The following PUM2 variants were observed in gnomAD, a reference collection of about 807,000 sequenced individuals.
PUM2 encodes pumilio homolog 2.
In PUM2, 57 loss-of-function variants were observed where a neutral mutation model predicts 124.5. The observed-to-expected ratio is 0.46, with a 90% CI of 0.37 to 0.57. The LOEUF is 0.57. Among genes scored for constraint, PUM2 ranks in the 20% least tolerant of loss-of-function variants. The pLI is 0.00. For missense variants in PUM2, 1,065 were observed against 1,290.6 expected (o/e 0.83, Z 2.68); for synonymous variants, 460 against 446.1 (o/e 1.03, Z -0.39).
chr2:20,299,959 G>A (rs1676557186), intron 7 of PUM2, among the ~76,000 whole-genome samples: 1 of 152,158 alleles, frequency 6.6e-6, no homozygotes, highest in African/African-American at 2.4e-5. Context: ...GGAAATGCTT[G>A]GGTTGTGATA....
At chr2:20,291,721 C>A (rs1376083723) in intron 9 of PUM2, among the ~76,000 whole-genome samples, 1 of 152,116 alleles carries the variant, frequency 6.6e-6, no homozygotes, top group African/African-American at 2.4e-5. Context: ...TGTATCCTTA[C>A]ATCCTTTTCA....
rs1158803967 is a variant in PUM2 at position 20,282,928 on chromosome 2, A to G, written c.1720+19T>C. The G allele has an allele frequency of 3.7e-6, 6 of 1,609,416 alleles. No individual in the cohort carries two copies. In the Admixed American group the frequency reaches 8.4e-5, roughly 23 times the overall value. On this transcript the variant is annotated intron_variant, in intron 12 of 20. Coordinates refer to ENST00000361078, the MANE Select transcript of PUM2 (RefSeq NM_015317.5). The stretch of plus-strand genomic sequence containing the variant: ...CTCTTCCACTTAGCAGAGTACACTC[A>G]TCGTAAAAACAAACTTACCTGATGA...
In PUM2 at chr2:20,339,990, T is replaced by TAA. The variant is rs370989174; in HGVS notation, c.-19+10605_-19+10606dup. Among the ~76,000 whole-genome samples, 630 of 145,152 alleles carry TAA rather than the reference T, an allele frequency of 4.3e-3. 5 individuals carry two copies. Among genetic ancestry groups the TAA allele is most frequent in the African/African-American group, 0.015 (593 of 40,040 alleles). On this transcript the variant is annotated intron_variant, in intron 1 of 20. Coordinates refer to ENST00000361078, the MANE Select transcript of PUM2 (RefSeq NM_015317.5). ...CCTACTCTTGATAAATTCCTCAATGTAAAAAAAAAAACGGCCAACTAAATC... is the reference window on the plus strand; with the variant it reads ...CCTACTCTTGATAAATTCCTCAATGTAAAAAAAAAAAAACGGCCAACTAAATC...
At chr2:20,281,080 C>A (rs1429866371) in intron 12 of PUM2, among the ~76,000 whole-genome samples, 1 of 152,036 alleles carries the variant, frequency 6.6e-6, no homozygotes, top group Non-Finnish European at 1.5e-5. Flanking sequence ...TGTGAAAAGG[C>A]AGTGTGCAAA....
At chr2:20,319,863 A>C (rs1473029161) in intron 2 of PUM2, among the ~76,000 whole-genome samples, 1 of 152,240 alleles carries the variant, frequency 6.6e-6, no homozygotes, top group Non-Finnish European at 1.5e-5. Flanking sequence ...CAAGGGTGAC[A>C]CTATGTACTA....
intron 1 of PUM2, among the ~76,000 whole-genome samples, chr2:20,343,015 G>T (rs184901648): frequency 3.3e-5 from 5 of 151,970 alleles, no homozygotes; most frequent in Non-Finnish European, 7.4e-5. Flanking sequence ...GCTAGAGTGC[G>T]GTGGTGCCTT....
chr2:20,319,807 G>A (rs1371815767), intron 2 of PUM2, among the ~76,000 whole-genome samples: 7 of 152,186 alleles, frequency 4.6e-5, no homozygotes, highest in Admixed American at 4.6e-4. Flanking sequence ...ACATGCTAAG[G>A]AAGTTAGATG....
intron 13 of PUM2, among the ~76,000 whole-genome samples, chr2:20,278,021 G>A (rs192733138): frequency 3.0e-4 from 46 of 152,032 alleles, no homozygotes; most frequent in Admixed American, 2.1e-3. Context: ...CCAACTTCAG[G>A]GGTACAACAA....
chr2:20,319,470 T>C (rs1276544841), intron 2 of PUM2, among the ~76,000 whole-genome samples: 4 of 152,204 alleles, frequency 2.6e-5, no homozygotes, highest in Non-Finnish European at 5.9e-5. Context: ...GTCTTTTCAG[T>C]GCTAACAATA....
intron 16 of PUM2, among the ~76,000 whole-genome samples, chr2:20,257,043 C>CAAAAAAAAAAA (rs58072146): frequency 2.0e-4 from 14 of 71,794 alleles, no homozygotes; most frequent in African/African-American, 6.5e-4. Context: ...GATTCCGTCT[C>CAAAAAAAAAAA]AAAAAAAAAA....
At chr2:20,325,228 T>TA (rs68012011) in intron 2 of PUM2, among the ~76,000 whole-genome samples, 5,271 of 152,278 alleles carry the variant, frequency 0.035, 90 homozygotes, top group Middle Eastern at 0.065. Context: ...TGTTAGTGCT[T>TA]AAACTGTTAA....
Position 20,294,452 on chromosome 2 carries a change from T to C in PUM2, c.1076A>G (p.Gln359Arg). 1 of 1,614,146 alleles carries C rather than the reference T, an allele frequency of 6.2e-7. No individual in the cohort carries two copies. Among genetic ancestry groups the C allele is most frequent in the Non-Finnish European group, 8.5e-7 (1 of 1,180,040 alleles). Reference protein sequence around the residue: ...PWGVYPANLFQQQAAAAANNT... With the variant: ...PWGVYPANLFRQQAAAAANNT... ...ATTTGCCGCAGCTGCAGCTTGCTGC[T>C]GAAATAAGTTGGCTGGATACACCCC... The change falls in exon 9 of 21, where the codon CAG becomes CGG. Residue 359 changes from glutamine (Q) to arginine (R), a missense_variant. By Grantham distance (43) the Gln-to-Arg change is conservative. Transcript: ENST00000361078.
intron 13 of PUM2, among the ~76,000 whole-genome samples, chr2:20,276,507 G>C: frequency 6.6e-6 from 1 of 151,886 alleles, no homozygotes; most frequent in Non-Finnish European, 1.5e-5. Flanking sequence ...TCATATTCTT[G>C]ATATGTGAGC....
At chr2:20,302,502 G>A (rs373522840) in intron 7 of PUM2, among the ~76,000 whole-genome samples, 1 of 151,470 alleles carries the variant, frequency 6.6e-6, no homozygotes, top group South Asian at 2.1e-4. Context: ...CCCAATAACC[G>A]CCCCCCCAAG....
chr2:20,344,757 C>T (rs547330024), intron 1 of PUM2, among the ~76,000 whole-genome samples: 5 of 151,928 alleles, frequency 3.3e-5, no homozygotes, highest in Admixed American at 2.6e-4. Context: ...CTGAGGCCGG[C>T]GGATCACGAG....
At chr2:20,251,819 TA>T (rs1245500042) in intron 20 of PUM2, 103 bp from the exon 21 acceptor site, 43 of 1,366,506 alleles carry the variant, frequency 3.1e-5, no homozygotes, top group Middle Eastern at 2.0e-4. Flanking sequence ...TAACTGCAAT[TA>T]AAAAAAATTT....
At chr2:20,301,650 T>C (rs942992646) in intron 7 of PUM2, among the ~76,000 whole-genome samples, 2 of 152,136 alleles carry the variant, frequency 1.3e-5, no homozygotes, top group African/African-American at 2.4e-5. Flanking sequence ...TGCAGTGGCA[T>C]GATCATGGCT....
chr2:20,296,598 C>T (rs908834511), intron 8 of PUM2, among the ~76,000 whole-genome samples: 2 of 151,630 alleles, frequency 1.3e-5, no homozygotes, highest in African/African-American at 4.9e-5. Context: ...CTCAAAGCCC[C>T]CCCAGCCCCC....
At chr2:20,331,215 G>C (rs1484755621) in intron 1 of PUM2, among the ~76,000 whole-genome samples, 1 of 152,010 alleles carries the variant, frequency 6.6e-6, no homozygotes, top group East Asian at 1.9e-4. Context: ...AGGAACGAAA[G>C]GGTAGGGGAT....
Sources: gnomAD v4.1 joint callset for allele counts (sites outside exome capture counted in the v4.1 genomes callset) on GRCh38, gnomAD v4.1.1 for gene constraint, MANE v1.5 for transcripts, NCBI Gene and HGNC (gene_info 2026-07-23, HGNC 2026-07-21) for gene names.